SYNPO2: variants seen among roughly 807,000 people sequenced by gnomAD.
The protein encoded by SYNPO2 is synaptopodin-2.
Under a neutral mutation model 85.0 loss-of-function variants are expected in SYNPO2, and 56 were observed. The observed-to-expected ratio is 0.66, with a 90% CI of 0.53 to 0.82. The LOEUF (loss-of-function observed/expected upper bound fraction) is 0.82, where lower values mean the gene tolerates loss of function less well. SYNPO2 is among the 40% of genes least tolerant of loss of function. The probability of loss-of-function intolerance (pLI) is 0.00; values close to 1 mark genes in which losing one functional copy is unlikely to be tolerated. For missense variants in SYNPO2, 1,575 were observed against 1,534.2 expected (o/e 1.03, Z -0.44); for synonymous variants, 602 against 591.1 (o/e 1.02, Z -0.27).
chr4:119,030,619 A>T lies in SYNPO2; in HGVS notation c.1844A>T (p.Asp615Val), dbSNP rs776254936. ...CGAAACATGACGAGTCCCATTGCTG[A>T]CTTTCCTGCACCTCCACCTTACTCT... ...PTRNMTSPIA[D>V]FPAPPPYSAV... is the part of the protein sequence containing the mutation. Residue 615 changes from aspartate (D) to valine (V), a missense_variant, in exon 4 of 5, where the codon GAC becomes GTC. By Grantham distance (152) the Asp-to-Val change is radical. This residue lies in a region of SYNPO2 where 1,508 missense variants were observed against 1,446.8 expected (regional missense o/e 1.04). Coordinates refer to ENST00000307142, the MANE Select transcript of SYNPO2 (RefSeq NM_133477.3). 2.5e-6 allele frequency: 4 copies of T among 1,613,972 alleles called. No homozygotes were observed. The East Asian group carries it at 8.9e-5, about 36-fold the overall frequency.
At position 119,035,126 on chromosome 4, in the gene SYNPO2, A is replaced by G. The variant is rs17050145; in HGVS notation, c.3252+3099A>G. The G allele has an allele frequency of 4.6e-3, 4,566 of 985,424 alleles. 174 individuals carry two copies. The African/African-American group carries it at 0.074, about 16-fold the overall frequency. The allele number at this position is 985,424 out of a possible 1,614,324, so 61.0% of individuals were successfully genotyped here. On this transcript the variant is annotated intron_variant, in intron 4 of 4. Coordinates refer to ENST00000307142, the MANE Select transcript of SYNPO2 (RefSeq NM_133477.3). Reference sequence around the variant, plus strand: ...CCCAAATCCACTGCATGGTTTAAATACAGGCACTGGAATATAAATGAAAAA... The same window carrying G: ...CCCAAATCCACTGCATGGTTTAAATGCAGGCACTGGAATATAAATGAAAAA...
At chr4:118,969,665 A>G (rs550437111) in intron 1 of SYNPO2, among the ~76,000 whole-genome samples, 1 of 152,306 alleles carries the variant, frequency 6.6e-6, no homozygotes, top group East Asian at 1.9e-4. Context: ...GTTCCTGTGA[A>G]CCAGGACTTT....
At chr4:118,947,477 G>A (rs1036307321) in intron 1 of SYNPO2, among the ~76,000 whole-genome samples, 4 of 152,194 alleles carry the variant, frequency 2.6e-5, no homozygotes, top group Non-Finnish European at 2.9e-5. Context: ...GGAGGAGAAT[G>A]ACCTTCAGTT....
intron 4 of SYNPO2, chr4:119,033,007 C>T (rs1261281036): frequency 1.1e-6 from 1 of 946,698 alleles, no homozygotes; most frequent in Non-Finnish European, 1.2e-6. Context: ...AGTTTGTTTT[C>T]CTCAGCTGAG....
intron 1 of SYNPO2, among the ~76,000 whole-genome samples, chr4:118,922,944 A>G (rs567626046): frequency 2.6e-5 from 4 of 152,326 alleles, no homozygotes; most frequent in South Asian, 2.1e-4. Flanking sequence ...ACTTATCTAT[A>G]AATATATCTT....
chr4:118,928,907 T>G (rs866628953), intron 1 of SYNPO2, among the ~76,000 whole-genome samples: 1 of 152,310 alleles, frequency 6.6e-6, no homozygotes, highest in Middle Eastern at 3.4e-3. Flanking sequence ...CATGTACTTT[T>G]TGTCCCATAC....
chr4:119,042,398 C>G (rs991704346), intron 4 of SYNPO2: 4 of 152,006 alleles, frequency 2.6e-5, no homozygotes, highest in Non-Finnish European at 4.4e-5. Context: ...TTTCTTATCT[C>G]TGGGGAAAAA....
chr4:118,931,242 T>A (rs1022135150), intron 1 of SYNPO2, among the ~76,000 whole-genome samples: 1 of 151,880 alleles, frequency 6.6e-6, no homozygotes, highest in Non-Finnish European at 1.5e-5. Context: ...AAATTCAGGA[T>A]TGAGGGGTCT....
intron 1 of SYNPO2, among the ~76,000 whole-genome samples, chr4:119,004,818 A>G (rs1391445639): frequency 2.2e-4 from 34 of 151,718 alleles, no homozygotes; most frequent in Admixed American, 2.6e-4. Flanking sequence ...TTCCACAATG[A>G]TTGAACTAGT....
At position 119,031,181 on chromosome 4, in the gene SYNPO2, T is replaced by A; in HGVS notation, c.2406T>A (p.Val802=). The change falls in exon 4 of 5, where the codon GTT becomes GTA. Residue 802 remains valine (V), a synonymous_variant. Transcript: ENST00000307142. Reference sequence around the variant, plus strand: ...CATCCAACCCATCAAAGGGCACCGTTGTCTCCTCCATCAAAATAGCCCAGC... The same window carrying A: ...CATCCAACCCATCAAAGGGCACCGTAGTCTCCTCCATCAAAATAGCCCAGC... ...FPTSNPSKGT[V]VSSIKIAQPS... is the part of the protein sequence containing the mutation. The A allele has an allele frequency of 2.5e-6, 4 of 1,614,118 alleles. No homozygotes were observed. Among genetic ancestry groups the A allele is most frequent in the Non-Finnish European group, 3.4e-6 (4 of 1,180,008 alleles).
intron 1 of SYNPO2, among the ~76,000 whole-genome samples, chr4:118,906,393 A>G (rs1732939011): frequency 6.6e-6 from 1 of 152,194 alleles, no homozygotes; most frequent in African/African-American, 2.4e-5. Flanking sequence ...AATTCGAGGT[A>G]TGAGTCTAAT....
At chr4:119,004,314 G>A (rs1212323464) in intron 1 of SYNPO2, among the ~76,000 whole-genome samples, 1 of 151,770 alleles carries the variant, frequency 6.6e-6, no homozygotes, top group Non-Finnish European at 1.5e-5. Flanking sequence ...CCATGTTGGT[G>A]TGCTGCACCC....
At chr4:118,956,854 G>A (rs570339012) in intron 1 of SYNPO2, among the ~76,000 whole-genome samples, 115 of 152,148 alleles carry the variant, frequency 7.6e-4, no homozygotes, top group African/African-American at 2.7e-3. Context: ...AGACCAGCCT[G>A]GGCAACATGG....
At chr4:118,899,803 C>A (rs1332080185) in intron 1 of SYNPO2, among the ~76,000 whole-genome samples, 1 of 152,094 alleles carries the variant, frequency 6.6e-6, no homozygotes, top group Non-Finnish European at 1.5e-5. Flanking sequence ...CTCTTGTCAC[C>A]CAACCTGGAG....
At chr4:119,042,353 T>C (rs1342473824) in intron 4 of SYNPO2, 1 of 152,236 alleles carries the variant, frequency 6.6e-6, no homozygotes, top group Non-Finnish European at 1.5e-5. Flanking sequence ...ACAATTTTAT[T>C]ATCTAGAAAA....
At position 119,031,638 on chromosome 4, in the gene SYNPO2, G is replaced by A. The variant is rs868694258; in HGVS notation, c.2863G>A (p.Gly955Arg). 1 of 1,614,024 alleles carries A rather than the reference G, an allele frequency of 6.2e-7. No individual in the cohort carries two copies. The highest frequency in any genetic ancestry group is 1.7e-5 in the Admixed American group (1 of 59,988). The stretch of plus-strand genomic sequence containing the variant: ...GCCCTCCAAAATGGGCAAGAAAAAG[G>A]GAAAGAAACCCCTCAATGCATTAGA... ...AQPSKMGKKK[G>R]KKPLNALDVM... Residue 955 changes from glycine to arginine, a missense_variant, in exon 4 of 5, where the codon GGA becomes AGA. Around this residue, in one of 3 missense-constraint regions of SYNPO2, gnomAD observed 1,508 missense variants for 1,446.8 expected, o/e 1.04. Transcript: ENST00000307142.
Position 119,058,080 on chromosome 4 carries a change from G to C in SYNPO2, c.*146G>C, listed in dbSNP as rs1739273744. On this transcript the variant is annotated 3_prime_UTR_variant, in exon 5 of 5. Transcript: ENST00000307142. The stretch of plus-strand genomic sequence containing the variant: ...CATTTATCTAAGTTTGTGTTTCTGT[G>C]TGTGTGTGTGTGTGTGTATGTATGT... 1.4e-5 allele frequency: 6 copies of C among 429,602 alleles called. No homozygotes were observed. The highest frequency in any genetic ancestry group is 6.8e-5 in the South Asian group (2 of 29,292). 26.6% of individuals were successfully genotyped at this position (429,602 alleles called of 1,614,324 possible).
rs1739271871 is a variant in SYNPO2, at chr4:119,058,027, C to T, written c.*93C>T. 1.4e-6 allele frequency: 2 copies of T among 1,392,082 alleles called. No individual in the cohort carries two copies. Among genetic ancestry groups the T allele is most frequent in the African/African-American group, 1.5e-5 (1 of 68,746 alleles). The allele number at this position is 1,392,082 out of a possible 1,614,324, so 86.2% of individuals were successfully genotyped here. A position where few individuals can be genotyped will look rare whatever the true frequency, so the allele number is the denominator to read the frequency against. On this transcript the variant is annotated 3_prime_UTR_variant, in exon 5 of 5. Transcript: ENST00000307142. ...AACTTTTCTAATAGATTTAGATTCA[C>T]TTTTGGTCTTGGCTTGTTCTCATAA...
chr4:118,998,735 G>A (rs939026287), intron 1 of SYNPO2, among the ~76,000 whole-genome samples: 5 of 152,156 alleles, frequency 3.3e-5, no homozygotes, highest in Non-Finnish European at 7.4e-5. Context: ...TAGAGGGTAG[G>A]TGTTTTAATG....
Sources: allele counts gnomAD v4.1 joint callset (sites outside exome capture counted in the v4.1 genomes callset), GRCh38; gene constraint gnomAD v4.1.1; regional missense constraint gnomAD v4.1.1; transcripts MANE v1.5; gene names NCBI Gene and HGNC (gene_info 2026-07-23, HGNC 2026-07-21).